The following ROBO2 variants were observed in gnomAD, a reference collection of about 807,000 sequenced individuals.
ROBO2 encodes the protein roundabout guidance receptor 2.
In ROBO2, 53 loss-of-function variants were observed where a neutral mutation model predicts 160.8. That is an observed-to-expected ratio of 0.33 (90% CI 0.26 to 0.41). ROBO2 has a LOEUF of 0.41. ROBO2 is among the 10% of genes least tolerant of loss of function. ROBO2 has a pLI of 1.00. For synonymous variants in ROBO2, 664 were observed against 611.7 expected (o/e 1.09, Z -1.26); for missense variants, 1,577 against 1,722.4 (o/e 0.92, Z 1.49).
At chr3:77,183,268 G>A (rs970535566) in intron 2 of ROBO2, among the ~76,000 whole-genome samples, 8 of 152,006 alleles carry the variant, frequency 5.3e-5, no homozygotes, top group Admixed American at 1.3e-4. Flanking sequence ...TGTTGCTGTA[G>A]GGATTACCTT....
Position 77,648,774 on chromosome 3 carries a change from G to C in ROBO2, c.*2719G>C, listed in dbSNP as rs952429113. On this transcript the variant is annotated 3_prime_UTR_variant, in exon 26 of 26. Coordinates refer to ENST00000461745, the Ensembl canonical transcript of ROBO2. ...AACAGAAAAATACAAATACCTATGA[G>C]AGCCACAGCAGTTTCTCGTTTCATA... 4 of 152,232 alleles carry C rather than the reference G, an allele frequency of 2.6e-5. No individual in the cohort carries two copies. The South Asian group carries it at 6.2e-4, about 24-fold the overall frequency. The allele number at this position is 152,232 out of a possible 1,614,324, so 9.4% of individuals were successfully genotyped here. A position where few individuals can be genotyped will look rare whatever the true frequency, so the allele number is the denominator to read the frequency against.
intron 2 of ROBO2, among the ~76,000 whole-genome samples, chr3:76,153,399 A>G (rs1313083273): frequency 6.6e-6 from 1 of 152,164 alleles, no homozygotes; most frequent in East Asian, 1.9e-4. Flanking sequence ...TAATCAAGTG[A>G]ATGGATGCAC....
intron 2 of ROBO2, among the ~76,000 whole-genome samples, chr3:76,624,734 C>T (rs893021068): frequency 1.6e-5 from 2 of 124,914 alleles, no homozygotes; most frequent in Admixed American, 1.1e-4. Flanking sequence ...GGAGGCTGAG[C>T]TTGCAGTGAA....
chr3:76,578,369 G>A (rs1238223164), intron 2 of ROBO2, among the ~76,000 whole-genome samples: 1 of 151,986 alleles, frequency 6.6e-6, no homozygotes, highest in African/African-American at 2.4e-5. Context: ...CATTTTCTCA[G>A]TCGAGCTTCC....
At chr3:76,434,707 GC>G in intron 2 of ROBO2, 1 of 1,080,016 alleles carries the variant, frequency 9.3e-7, no homozygotes. Flanking sequence ...CACCAGGCAG[GC>G]CCCCCTCCTC....
chr3:77,200,604 G>A (rs1484616826), intron 2 of ROBO2, among the ~76,000 whole-genome samples: 1 of 151,854 alleles, frequency 6.6e-6, no homozygotes, highest in African/African-American at 2.4e-5. Context: ...TAGTCTACAG[G>A]CAGACCAGCT....
At chr3:75,964,020 GA>G (rs1949019011) in intron 2 of ROBO2, among the ~76,000 whole-genome samples, 1 of 151,720 alleles carries the variant, frequency 6.6e-6, no homozygotes, top group Non-Finnish European at 1.5e-5. Flanking sequence ...AATTTGGGGA[GA>G]GGGGAGCAGC....
intron 2 of ROBO2, among the ~76,000 whole-genome samples, chr3:76,402,719 A>G (rs923823727): frequency 1.3e-5 from 2 of 151,404 alleles, no homozygotes; most frequent in African/African-American, 2.4e-5. Context: ...CAACACTTCT[A>G]TTCTCTTGGT....
chr3:76,188,061 C>T (rs578120960), intron 2 of ROBO2, among the ~76,000 whole-genome samples: 16 of 152,238 alleles, frequency 1.1e-4, no homozygotes, highest in Admixed American at 9.2e-4. Flanking sequence ...CTCTAGGCCA[C>T]CCCGTTAGTT....
At chr3:76,304,669 C>T (rs540109641) in intron 2 of ROBO2, among the ~76,000 whole-genome samples, 23 of 151,862 alleles carry the variant, frequency 1.5e-4, no homozygotes, top group Admixed American at 2.0e-4. Context: ...CTAAGTTTGC[C>T]CTGATGATTT....
intron 1 of ROBO2, among the ~76,000 whole-genome samples, chr3:75,932,685 T>A (rs112138060): frequency 6.6e-6 from 1 of 152,198 alleles, no homozygotes; most frequent in Admixed American, 6.5e-5. Context: ...TCTGAACTAA[T>A]GGCAGAGTGG....
intron 2 of ROBO2, among the ~76,000 whole-genome samples, chr3:76,830,095 C>T (rs989599602): frequency 3.3e-5 from 5 of 152,208 alleles, no homozygotes; most frequent in Non-Finnish European, 5.9e-5. Context: ...ATCTTTTCTC[C>T]TGTTCTGGCC....
chr3:76,346,043 C>T (rs1461322132), intron 2 of ROBO2, among the ~76,000 whole-genome samples: 2 of 152,038 alleles, frequency 1.3e-5, no homozygotes, highest in Non-Finnish European at 2.9e-5. Flanking sequence ...TTTGTCCTTA[C>T]AGGCCAGTTA....
At chr3:76,974,492 G>A (rs530727670) in intron 2 of ROBO2, among the ~76,000 whole-genome samples, 12 of 152,214 alleles carry the variant, frequency 7.9e-5, no homozygotes, top group Non-Finnish European at 1.5e-4. Flanking sequence ...CTCGGCCAAG[G>A]TCAATTACCT....
Position 76,945,845 on chromosome 3 carries a change from G to A in ROBO2, c.110-152169G>A, listed in dbSNP as rs116242105. Among the ~76,000 whole-genome samples the A allele has an allele frequency of 1.7e-3, 257 of 152,098 alleles. 1 individual carries two copies. The highest frequency in any genetic ancestry group is 5.3e-3 in the African/African-American group (218 of 41,478). On this transcript the variant is annotated intron_variant, in intron 2 of 26. Coordinates refer to the ROBO2 transcript ENST00000487694. Reference sequence around the variant, plus strand: ...TTTCCTCTGGCTTTTGAACATATTGGATATAGTTATTATGACTGCTTTAAT... The same window carrying A: ...TTTCCTCTGGCTTTTGAACATATTGAATATAGTTATTATGACTGCTTTAAT...
intron 19 of ROBO2, among the ~76,000 whole-genome samples, chr3:77,599,153 A>C (rs1008398778): frequency 6.6e-6 from 1 of 152,194 alleles, no homozygotes; most frequent in Non-Finnish European, 1.5e-5. Flanking sequence ...TCCATGTGAT[A>C]GTCATTTTAA....
At chr3:76,032,602 A>G (rs929294098) in intron 2 of ROBO2, among the ~76,000 whole-genome samples, 4 of 151,960 alleles carry the variant, frequency 2.6e-5, no homozygotes, top group Non-Finnish European at 4.4e-5. Flanking sequence ...TTCTGCCTTC[A>G]TTTTGTTATT....
chr3:76,407,422 C>T (rs1037629434), intron 2 of ROBO2, among the ~76,000 whole-genome samples: 3 of 151,800 alleles, frequency 2.0e-5, no homozygotes, highest in African/African-American at 7.3e-5. Context: ...TTAATTAAGT[C>T]ACCAGTGCCC....
In ROBO2 at chr3:75,944,431, C is replaced by A. The variant is rs113298292; in HGVS notation, c.109+6829C>A. ...TCAGCCTAAAGACAAGCTCTGGAAT[C>A]ACTTGTGTTACTTATTACATTTCTT... On this transcript the variant is annotated intron_variant, in intron 2 of 26. Transcript: ENST00000487694. Among the ~76,000 whole-genome samples, 954 of 152,240 alleles carry A rather than the reference C, an allele frequency of 6.3e-3. 11 individuals carry two copies. Among genetic ancestry groups the A allele is most frequent in the African/African-American group, 0.022 (925 of 41,552 alleles).
Sources: allele counts gnomAD v4.1 joint callset (sites outside exome capture counted in the v4.1 genomes callset), GRCh38; gene constraint gnomAD v4.1.1; transcripts MANE v1.5; gene names NCBI Gene and HGNC (gene_info 2026-07-23, HGNC 2026-07-21).